The following NBEA variants were observed in gnomAD, a reference collection of about 807,000 sequenced individuals.
The protein encoded by NBEA is neurobeachin.
NBEA carries 44 observed loss-of-function variants against 343.4 expected under a neutral mutation model. The ratio of observed to expected loss-of-function variants is 0.13; its 90% CI spans 0.10 to 0.16. NBEA has a LOEUF of 0.16. Among genes scored for constraint, NBEA ranks in the 10% least tolerant of loss-of-function variants. The pLI is 1.00. For synonymous variants in NBEA, 1,175 were observed against 1,238.7 expected, an observed-to-expected ratio of 0.95 and a Z score of 1.08; for missense variants, 2,555 against 3,631.3, an observed-to-expected ratio of 0.70 and a Z score of 7.62.
intron 36 of NBEA, among the ~76,000 whole-genome samples, chr13:35,341,089 A>G (rs2039558222): frequency 6.6e-6 from 1 of 152,022 alleles, no homozygotes; most frequent in Non-Finnish European, 1.5e-5. Flanking sequence ...AAACCCATAT[A>G]CTTATGGTCA....
At chr13:35,613,566 A>G (rs2082613873) in intron 48 of NBEA, among the ~76,000 whole-genome samples, 1 of 152,102 alleles carries the variant, frequency 6.6e-6, no homozygotes, top group South Asian at 2.1e-4. Context: ...GTAAATACCT[A>G]GTGGGATGGC....
At chr13:35,377,078 T>C (rs543886192) in intron 38 of NBEA, among the ~76,000 whole-genome samples, 1 of 152,362 alleles carries the variant, frequency 6.6e-6, no homozygotes, top group South Asian at 2.1e-4. Flanking sequence ...GAAGTTTGTG[T>C]TCTGCAATAT....
intron 34 of NBEA, among the ~76,000 whole-genome samples, chr13:35,241,756 G>A (rs2030325964): frequency 6.6e-6 from 1 of 151,838 alleles, no homozygotes; most frequent in Admixed American, 6.6e-5. Flanking sequence ...AGATGTTGCA[G>A]CAATGAAGTA....
Position 34,949,943 on chromosome 13 carries a change from A to G in NBEA, c.294+6829A>G, listed in dbSNP as rs142429221. On this transcript the variant is annotated intron_variant, in intron 1 of 58. Transcript: ENST00000379939. ...CATGGATATTTAAGTAGTTATATGT[A>G]TGAAAAGAAGTGAGTGTCTGAGATG... is the stretch of plus-strand genomic sequence containing the variant. Among the ~76,000 whole-genome samples the G allele has an allele frequency of 9.1e-4, 138 of 152,312 alleles. 1 individual carries two copies. Among genetic ancestry groups the G allele is most frequent in the Middle Eastern group, 3.4e-3 (1 of 294 alleles).
intron 1 of NBEA, among the ~76,000 whole-genome samples, chr13:34,956,776 C>T (rs770509508): frequency 4.6e-5 from 7 of 152,086 alleles, no homozygotes; most frequent in Non-Finnish European, 7.4e-5. Flanking sequence ...AGTGATTTCA[C>T]GTTGTTGTTC....
intron 20 of NBEA, among the ~76,000 whole-genome samples, chr13:35,156,564 C>T (rs1360031770): frequency 1.3e-5 from 2 of 152,074 alleles, no homozygotes; most frequent in Admixed American, 1.3e-4. Flanking sequence ...CCCCATATTT[C>T]TTATGGCCGA....
At chr13:35,624,431 G>T (rs1191490921) in intron 48 of NBEA, among the ~76,000 whole-genome samples, 2 of 152,074 alleles carry the variant, frequency 1.3e-5, no homozygotes, top group Non-Finnish European at 2.9e-5. Context: ...CATAGAAAAT[G>T]ATCTGTATAA....
chr13:35,104,315 G>T lies in NBEA; in HGVS notation c.1681-4975G>T, dbSNP rs143179362. Among the ~76,000 whole-genome samples, 91 of 151,904 alleles carry T rather than the reference G, an allele frequency of 6.0e-4. 1 individual carries two copies. Among genetic ancestry groups the T allele is most frequent in the African/African-American group, 2.0e-3 (83 of 41,474 alleles). Reference sequence around the variant, plus strand: ...AGTGTTTACCTATGCTGCTAATTTTGCAGCACCATTCTGGCATGTTTTATA... The same window carrying T: ...AGTGTTTACCTATGCTGCTAATTTTTCAGCACCATTCTGGCATGTTTTATA... On this transcript the variant is annotated intron_variant, in intron 11 of 58. Transcript: ENST00000379939.
At chr13:35,119,839 T>G (rs944643611) in intron 16 of NBEA, among the ~76,000 whole-genome samples, 1 of 152,226 alleles carries the variant, frequency 6.6e-6, no homozygotes, top group African/African-American at 2.4e-5. Context: ...TCTGCCTGCC[T>G]TGGTCTCCCA....
chr13:35,047,274 A>T (rs1037115809), intron 4 of NBEA, among the ~76,000 whole-genome samples: 1 of 151,154 alleles, frequency 6.6e-6, no homozygotes, highest in African/African-American at 2.4e-5. Flanking sequence ...CTACTTTGAG[A>T]TTATTTATTA....
intron 38 of NBEA, among the ~76,000 whole-genome samples, chr13:35,365,502 A>G (rs1174883186): frequency 6.6e-6 from 1 of 151,646 alleles, no homozygotes; most frequent in Non-Finnish European, 1.5e-5. Flanking sequence ...TAAAATATAC[A>G]TCTACCAAAC....
intron 36 of NBEA, among the ~76,000 whole-genome samples, chr13:35,337,742 A>G (rs1234085973): frequency 1.3e-5 from 2 of 152,094 alleles, no homozygotes; most frequent in Non-Finnish European, 2.9e-5. Flanking sequence ...AATTCTCAGT[A>G]AGTTTAAAAA....
intron 40 of NBEA, among the ~76,000 whole-genome samples, chr13:35,452,658 G>A (rs2046367212): frequency 6.6e-6 from 1 of 152,076 alleles, no homozygotes; most frequent in Non-Finnish European, 1.5e-5. Context: ...TCTAAAGAAT[G>A]TCTCTCTCCA....
intron 1 of NBEA, among the ~76,000 whole-genome samples, chr13:34,992,505 A>G (rs1231619602): frequency 1.3e-5 from 2 of 149,198 alleles, no homozygotes; most frequent in African/African-American, 4.9e-5. Context: ...CCGGCCAAGA[A>G]GCAAATAATT....
At chr13:34,990,049 T>C (rs1025039485) in intron 1 of NBEA, among the ~76,000 whole-genome samples, 1 of 151,226 alleles carries the variant, frequency 6.6e-6, no homozygotes, top group Non-Finnish European at 1.5e-5. Flanking sequence ...TCCCAAGACG[T>C]TGGGCATTTA....
intron 33 of NBEA, among the ~76,000 whole-genome samples, chr13:35,217,590 TG>T (rs2074134476): frequency 6.6e-6 from 1 of 152,096 alleles, no homozygotes; most frequent in African/African-American, 2.4e-5. Flanking sequence ...TGCCTATGAA[TG>T]TTCATTTGTT....
intron 38 of NBEA, among the ~76,000 whole-genome samples, chr13:35,421,147 TTTAC>T (rs1265751639): frequency 6.6e-6 from 1 of 152,026 alleles, no homozygotes; most frequent in African/African-American, 2.4e-5. Context: ...TCAGTTCTAC[TTTAC>T]TTGTGTCCAA....
intron 17 of NBEA, among the ~76,000 whole-genome samples, chr13:35,139,057 C>T (rs369114276): frequency 3.0e-4 from 29 of 97,878 alleles, no homozygotes; most frequent in South Asian, 2.3e-3. Context: ...CAAGAAATAT[C>T]TTTTTTTTTT....
intron 23 of NBEA, among the ~76,000 whole-genome samples, chr13:35,163,954 G>C (rs950432906): frequency 2.0e-5 from 3 of 151,974 alleles, no homozygotes; most frequent in Non-Finnish European, 4.4e-5. Context: ...TGAAAATTTT[G>C]AATTGGTTAT....
Sources: gnomAD v4.1 joint callset for allele counts (sites outside exome capture counted in the v4.1 genomes callset) on GRCh38, gnomAD v4.1.1 for gene constraint, MANE v1.5 for transcripts, NCBI Gene and HGNC (gene_info 2026-07-23, HGNC 2026-07-21) for gene names.